UBASH3A: variants seen among roughly 807,000 people sequenced by gnomAD.
UBASH3A encodes the protein ubiquitin-associated and SH3 domain-containing protein A.
Under a neutral mutation model 73.5 loss-of-function variants are expected in UBASH3A, and 63 were observed. That is an observed-to-expected ratio of 0.86 (90% CI 0.70 to 1.06). The LOEUF is 1.06. Ranked by LOEUF, UBASH3A falls within the 50% of genes least tolerant of loss-of-function variation. The pLI is 0.00. For synonymous variants in UBASH3A, 363 were observed against 351.1 expected (o/e 1.03, Z -0.38); for missense variants, 860 against 859.0 (o/e 1.00, Z -0.02).
intron 1 of UBASH3A, among the ~76,000 whole-genome samples, chr21:42,405,064 G>A (rs2052940206): frequency 6.6e-6 from 1 of 152,154 alleles, no homozygotes; most frequent in Non-Finnish European, 1.5e-5. Flanking sequence ...CTTTGGGTTG[G>A]GGAAGGAGCT....
intron 6 of UBASH3A, chr21:42,417,437 A>G (rs1320206746): frequency 1.3e-5 from 2 of 151,746 alleles, no homozygotes; most frequent in African/African-American, 4.8e-5. Context: ...AAAAAAAAAA[A>G]AAAAAAGACA....
At chr21:42,427,225 C>G (rs1207075554) in intron 8 of UBASH3A, among the ~76,000 whole-genome samples, 1 of 152,186 alleles carries the variant, frequency 6.6e-6, no homozygotes, top group Non-Finnish European at 1.5e-5. Context: ...CAGGGCACAG[C>G]AGGGCACCCC....
At position 42,447,312 on chromosome 21, in the gene UBASH3A, C is replaced by T; in HGVS notation, c.*118C>T. Reference sequence around the variant, plus strand: ...TCTCACCCAATGTGATTTGTAGAAGCACGAGACGCACTTTTATATCCCGGA... The same window carrying T: ...TCTCACCCAATGTGATTTGTAGAAGTACGAGACGCACTTTTATATCCCGGA... On this transcript the variant is annotated 3_prime_UTR_variant, in exon 15 of 15. Transcript: ENST00000319294. 9.2e-7 allele frequency: 1 copy of T among 1,085,988 alleles called. No homozygotes were observed. Among genetic ancestry groups the T allele is most frequent in the Non-Finnish European group, 1.3e-6 (1 of 759,204 alleles). 67.3% of individuals were successfully genotyped at this position (1,085,988 alleles called of 1,614,324 possible). A position where few individuals can be genotyped will look rare whatever the true frequency, so the allele number is the denominator to read the frequency against.
chr21:42,404,263 A>C, intron 1 of UBASH3A: 4 of 365,714 alleles, frequency 1.1e-5, no homozygotes, highest in African/African-American at 4.2e-5. Flanking sequence ...TCCAACCCAC[A>C]TGAGGCCCAG....
At chr21:42,410,510 C>G (rs1389974732) in intron 3 of UBASH3A, 1 of 390,132 alleles carries the variant, frequency 2.6e-6, no homozygotes, top group Admixed American at 4.3e-5. Flanking sequence ...AGAAGCAGTA[C>G]CTTCCAAAGC....
chr21:42,405,212 A>G (rs1448528825), intron 1 of UBASH3A, among the ~76,000 whole-genome samples: 1 of 152,086 alleles, frequency 6.6e-6, no homozygotes, highest in Non-Finnish European at 1.5e-5. Flanking sequence ...GGGCCTTTGA[A>G]TGGGGAGTGG....
intron 5 of UBASH3A, among the ~76,000 whole-genome samples, chr21:42,415,817 C>A (rs1170153273): frequency 1.3e-5 from 2 of 152,192 alleles, no homozygotes; most frequent in Non-Finnish European, 2.9e-5. Flanking sequence ...AGACCGCCTC[C>A]CTAGGACATA....
Position 42,437,475 on chromosome 21 carries a change from C to T in UBASH3A, c.1394-13C>T. 6.2e-7 allele frequency: 1 copy of T among 1,612,586 alleles called. No individual in the cohort carries two copies. The highest frequency in any genetic ancestry group is 8.5e-7 in the Non-Finnish European group (1 of 1,178,588). The stretch of plus-strand genomic sequence containing the variant: ...ATGAAGGGGCATTTTCTGCCTTTTT[C>T]ACTATTTTCCAGGGGACGCGCTACT... On this transcript the variant is annotated splice_polypyrimidine_tract_variant and intron_variant, in intron 10 of 14. Transcript: ENST00000319294.
chr21:42,445,328 AT>A (rs2146616400), intron 14 of UBASH3A, among the ~76,000 whole-genome samples: 1 of 152,352 alleles, frequency 6.6e-6, no homozygotes, highest in South Asian at 2.1e-4. Flanking sequence ...TTTTTATGAA[AT>A]TCATCAGTCC....
intron 14 of UBASH3A, among the ~76,000 whole-genome samples, chr21:42,445,687 G>A (rs550959423): frequency 5.9e-5 from 9 of 152,314 alleles, no homozygotes; most frequent in Middle Eastern, 6.8e-3. Context: ...TCAGACACCC[G>A]AATCTCCCTT....
At chr21:42,444,720 G>A (rs897240098) in intron 14 of UBASH3A, 77 bp downstream of exon 14, 27 of 1,217,362 alleles carry the variant, frequency 2.2e-5, no homozygotes, top group South Asian at 9.6e-5. Flanking sequence ...TCCACTTCTC[G>A]GAATGAAAAC....
chr21:42,420,407 A>G (rs890908846), intron 7 of UBASH3A, among the ~76,000 whole-genome samples: 2 of 152,140 alleles, frequency 1.3e-5, no homozygotes, highest in African/African-American at 4.8e-5. Flanking sequence ...TCTTTTGAAT[A>G]TTTTTGGCCT....
intron 8 of UBASH3A, among the ~76,000 whole-genome samples, chr21:42,428,913 G>T (rs1355113220): frequency 6.6e-6 from 1 of 152,160 alleles, no homozygotes; most frequent in Non-Finnish European, 1.5e-5. Context: ...CCCCAGAGAT[G>T]ATGCCCTAAT....
At chr21:42,434,502 A>G (rs114957829) in intron 9 of UBASH3A, among the ~76,000 whole-genome samples, 24 of 152,314 alleles carry the variant, frequency 1.6e-4, no homozygotes, top group African/African-American at 5.3e-4. Flanking sequence ...GTTACACTAA[A>G]CTAGTCATAG....
chr21:42,425,385 G>A (rs147975510), intron 7 of UBASH3A, among the ~76,000 whole-genome samples: 71 of 152,318 alleles, frequency 4.7e-4, no homozygotes, highest in Non-Finnish European at 7.6e-4. Context: ...TCTGCAGAGC[G>A]AGCCGCAGGG....
chr21:42,413,280 T>A lies in UBASH3A; in HGVS notation c.553+58T>A. The A allele has an allele frequency of 6.3e-7, 1 of 1,599,596 alleles. No homozygotes were observed. Among genetic ancestry groups the A allele is most frequent in the Non-Finnish European group, 8.6e-7 (1 of 1,167,770 alleles). On this transcript the variant is annotated intron_variant, in intron 4 of 14. Transcript: ENST00000319294. This position sits in a 1 kb window ranked among gnomAD's most constrained non-coding sequence, Gnocchi z 4.5. ...CTGGATTCACAGTGAGTGAGCCCTCTGTGGCAGGGACTAGCCCCCGGCACA... is the reference window on the plus strand; with the variant it reads ...CTGGATTCACAGTGAGTGAGCCCTCAGTGGCAGGGACTAGCCCCCGGCACA...
rs147725336 is a variant in UBASH3A at position 42,416,606 on chromosome 21, T to A, written c.832T>A (p.Tyr278Asn). ...CTCCCGAGACATGCGCTTTGTGCAC[T>A]ACCAGGTGAGAGAGCTGAGCAGGGG... is the stretch of plus-strand genomic sequence containing the variant. ...LYSRDMRFVH[Y>N]QTLRALFQYK... The change falls in exon 6 of 15, where the codon TAC (tyrosine) becomes AAC (asparagine). Residue 278 changes from tyrosine to asparagine, a missense_variant. By Grantham distance (143) the Tyr-to-Asn change is moderately radical (BLOSUM62 -2). Coordinates refer to ENST00000319294, the MANE Select transcript of UBASH3A (RefSeq NM_018961.4). The A allele has an allele frequency of 2.2e-4, 343 of 1,578,252 alleles. No homozygotes were observed. Among genetic ancestry groups the A allele is most frequent in the Non-Finnish European group, 2.7e-4 (314 of 1,162,460 alleles).
At chr21:42,407,273 G>A (rs985233894) in intron 2 of UBASH3A, among the ~76,000 whole-genome samples, 2 of 152,182 alleles carry the variant, frequency 1.3e-5, no homozygotes, top group Non-Finnish European at 2.9e-5. Context: ...GTCCTGGGAG[G>A]CTGGAGTGTC....
rs769032463 is a variant in UBASH3A at position 42,418,594 on chromosome 21, C to T, written c.1031C>T (p.Thr344Met). The T allele has an allele frequency of 3.7e-6, 6 of 1,613,892 alleles. No individual in the cohort carries two copies. Among genetic ancestry groups the T allele is most frequent in the Middle Eastern group, 1.6e-4 (1 of 6,080 alleles). The change falls in exon 7 of 15, where the codon ACG becomes ATG. Residue 344 changes from threonine (T) to methionine (M), a missense_variant. By Grantham distance (81) the Thr-to-Met change is moderately conservative. Coordinates refer to ENST00000319294, the MANE Select transcript of UBASH3A (RefSeq NM_018961.4). ...ACGGATCGAGCCAGTGAGTCTGACA[C>T]GTGGGTGAAGCACAGGTGAGTGCTG... ...NYTDRASESD[T>M]WVKHRMYTFS... is the part of the protein sequence containing the mutation.
Sources: allele counts gnomAD v4.1 joint callset (sites outside exome capture counted in the v4.1 genomes callset), GRCh38; gene constraint gnomAD v4.1.1; non-coding constraint Gnocchi (gnomAD v3.1); transcripts MANE v1.5; gene names NCBI Gene and HGNC (gene_info 2026-07-23, HGNC 2026-07-21).